PLXNA4: variants seen among roughly 807,000 people sequenced by gnomAD.
The protein encoded by PLXNA4 is plexin-A4.
PLXNA4 carries 44 observed loss-of-function variants against 191.8 expected under a neutral mutation model. The ratio of observed to expected loss-of-function variants is 0.23; its 90% CI spans 0.18 to 0.29. PLXNA4 has a LOEUF of 0.29. PLXNA4 is among the 10% of genes least tolerant of loss of function. PLXNA4 has a pLI of 1.00. For missense variants in PLXNA4, 1,800 were observed against 2,488.8 expected (o/e 0.72, Z 5.89); for synonymous variants, 1,082 against 1,009.5 (o/e 1.07, Z -1.36).
intron 3 of PLXNA4, among the ~76,000 whole-genome samples, chr7:132,359,500 A>C (rs919492671): frequency 3.9e-5 from 6 of 152,142 alleles, no homozygotes; most frequent in Admixed American, 2.0e-4. Flanking sequence ...TACAGGCATG[A>C]GCTACCGTGC....
At chr7:132,189,016 GA>G (rs1562909044) in intron 14 of PLXNA4, among the ~76,000 whole-genome samples, 1,142 of 73,934 alleles carry the variant, frequency 0.015, 52 homozygotes, top group African/African-American at 0.047. Flanking sequence ...GAGAGAGAGA[GA>G]GAGAGAGAGA....
intron 2 of PLXNA4, among the ~76,000 whole-genome samples, chr7:132,494,255 T>A (rs1797914461): frequency 1.3e-5 from 2 of 152,214 alleles, no homozygotes; most frequent in African/African-American, 4.8e-5. Flanking sequence ...CAAAGCTGAC[T>A]GAAGGAGCAG....
chr7:132,585,874 T>TG (rs1229033015), intron 2 of PLXNA4, among the ~76,000 whole-genome samples: 1 of 152,108 alleles, frequency 6.6e-6, no homozygotes, highest in South Asian at 2.1e-4. Flanking sequence ...GGCCCCAACT[T>TG]GGGGGGTTAG....
At chr7:132,637,963 A>C (rs1353925840) in intron 2 of PLXNA4, among the ~76,000 whole-genome samples, 1 of 152,206 alleles carries the variant, frequency 6.6e-6, no homozygotes, top group Non-Finnish European at 1.5e-5. Context: ...ACTAAGCAGG[A>C]GTTTCCTGGC....
chr7:132,341,943 C>A (rs1251939543), intron 3 of PLXNA4, among the ~76,000 whole-genome samples: 1 of 151,954 alleles, frequency 6.6e-6, no homozygotes, highest in Non-Finnish European at 1.5e-5. Context: ...AGGCTAGTGA[C>A]TTAGTCAAAA....
chr7:132,579,198 A>G (rs1392576961), upstream of PLXNA4, among the ~76,000 whole-genome samples: 1 of 152,154 alleles, frequency 6.6e-6, no homozygotes, highest in Non-Finnish European at 1.5e-5. Flanking sequence ...CAGCCCGGAT[A>G]GCCCCATGAA....
intron 3 of PLXNA4, among the ~76,000 whole-genome samples, chr7:132,447,061 T>G (rs1368034746): frequency 4.6e-5 from 7 of 152,106 alleles, no homozygotes; most frequent in Non-Finnish European, 8.8e-5. Flanking sequence ...TCCTATCCCC[T>G]CTCTTGCCCT....
chr7:132,501,629 G>T (rs1798259601), intron 2 of PLXNA4, among the ~76,000 whole-genome samples: 1 of 152,198 alleles, frequency 6.6e-6, no homozygotes. Context: ...CACTAGTCTG[G>T]GATGGGACTT....
chr7:132,552,274 T>C (rs1001670229), intron 1 of PLXNA4, among the ~76,000 whole-genome samples: 3 of 152,194 alleles, frequency 2.0e-5, no homozygotes, highest in Non-Finnish European at 2.9e-5. Flanking sequence ...CCCTGACTCC[T>C]AGACCTTGTT....
upstream of PLXNA4, among the ~76,000 whole-genome samples, chr7:132,579,560 T>C (rs1802363852): frequency 6.9e-6 from 1 of 144,338 alleles, no homozygotes; most frequent in East Asian, 2.0e-4. Flanking sequence ...GCAAATAAAA[T>C]GTGTTTATTA....
chr7:132,430,761 G>A (rs976302621), intron 3 of PLXNA4, among the ~76,000 whole-genome samples: 5 of 152,212 alleles, frequency 3.3e-5, no homozygotes, highest in Non-Finnish European at 5.9e-5. Context: ...TAGGTGGTAG[G>A]AGGCATTGAA....
chr7:132,385,292 G>C (rs767146699), intron 3 of PLXNA4: 8 of 1,611,538 alleles, frequency 5.0e-6, no homozygotes, highest in South Asian at 2.2e-5. Context: ...CTGGTACCAG[G>C]CATCTGGAAA....
chr7:132,151,289 AG>A (rs1795595909), intron 25 of PLXNA4, among the ~76,000 whole-genome samples: 5 of 67,570 alleles, frequency 7.4e-5, no homozygotes, highest in Admixed American at 1.5e-4. Flanking sequence ...GAGGAGGAGG[AG>A]GAAGAAGAAG....
chr7:132,279,244 C>G (rs1800389193), intron 4 of PLXNA4, among the ~76,000 whole-genome samples: 1 of 152,182 alleles, frequency 6.6e-6, no homozygotes, highest in South Asian at 2.1e-4. Context: ...TCCCTCTGGT[C>G]ATTAGAGGAC....
intron 3 of PLXNA4, among the ~76,000 whole-genome samples, chr7:132,349,133 G>A (rs548547693): frequency 1.3e-5 from 2 of 152,254 alleles, no homozygotes; most frequent in East Asian, 3.9e-4. Context: ...CCACATGTTT[G>A]AGCTTTTCTT....
chr7:132,186,600 A>G (rs569255525), intron 15 of PLXNA4, among the ~76,000 whole-genome samples: 3 of 152,282 alleles, frequency 2.0e-5, no homozygotes, highest in African/African-American at 7.2e-5. Flanking sequence ...AAGGTGATTG[A>G]AACCACCTTT....
At chr7:132,369,135 C>T (rs1335996447) in intron 3 of PLXNA4, among the ~76,000 whole-genome samples, 1 of 152,192 alleles carries the variant, frequency 6.6e-6, no homozygotes, top group Non-Finnish European at 1.5e-5. Context: ...GAGAGAATCC[C>T]TAACGCCTCT....
chr7:132,547,005 C>T (rs112786984), intron 1 of PLXNA4, among the ~76,000 whole-genome samples: 57 of 152,228 alleles, frequency 3.7e-4, no homozygotes, highest in Middle Eastern at 3.4e-3. Context: ...TTACAAGTGG[C>T]CTGAAAAATA....
intron 3 of PLXNA4, among the ~76,000 whole-genome samples, chr7:132,488,506 C>T (rs1341099235): frequency 1.3e-5 from 2 of 152,176 alleles, no homozygotes; most frequent in Non-Finnish European, 2.9e-5. Flanking sequence ...GACTAAAATG[C>T]AATTATTGGC....
Sources: gnomAD v4.1 joint callset for allele counts (sites outside exome capture counted in the v4.1 genomes callset) on GRCh38, gnomAD v4.1.1 for gene constraint, MANE v1.5 for transcripts, NCBI Gene and HGNC (gene_info 2026-07-23, HGNC 2026-07-21) for gene names.